FSTL4: variants seen among roughly 807,000 people sequenced by gnomAD.
The protein encoded by FSTL4 is follistatin like 4, also known as follistatin-related protein 4.
FSTL4 carries 28 observed loss-of-function variants against 78.2 expected under a neutral mutation model. The ratio of observed to expected loss-of-function variants is 0.36; its 90% CI spans 0.27 to 0.49. The LOEUF is 0.49. Ranked by LOEUF, FSTL4 falls within the 20% of genes least tolerant of loss-of-function variation. The probability of loss-of-function intolerance (pLI) is 0.98; values close to 1 mark genes in which losing one functional copy is unlikely to be tolerated. For synonymous variants in FSTL4, 422 were observed against 440.5 expected (o/e 0.96, Z 0.53); for missense variants, 922 against 1,084.9 (o/e 0.85, Z 2.11).
At chr5:133,836,529 T>C in the FSTL4 span, among the ~76,000 whole-genome samples, 2 of 152,336 alleles carry the variant, frequency 1.3e-5, no homozygotes, top group South Asian at 4.1e-4. Context: ...CCCATACATA[T>C]ATGCACACAT....
chr5:133,254,949 C>G (rs1342203981), intron 6 of FSTL4, among the ~76,000 whole-genome samples: 1 of 152,238 alleles, frequency 6.6e-6, no homozygotes, highest in African/African-American at 2.4e-5. Flanking sequence ...GGTCTCTGCT[C>G]TGGTGGGGAG....
chr5:133,750,206 C>T, the FSTL4 span, among the ~76,000 whole-genome samples: 605 of 152,248 alleles, frequency 4.0e-3, 4 homozygotes, highest in Non-Finnish European at 5.7e-3. Flanking sequence ...CAGAGGGACC[C>T]TAAGACATCA....
At chr5:133,803,088 A>G in the FSTL4 span, among the ~76,000 whole-genome samples, 1 of 152,288 alleles carries the variant, frequency 6.6e-6, no homozygotes, top group East Asian at 1.9e-4. Flanking sequence ...GAGCAGAACC[A>G]AGAGAAGGAG....
intron 3 of FSTL4, among the ~76,000 whole-genome samples, chr5:133,522,306 T>G (rs1452120746): frequency 6.6e-6 from 1 of 152,202 alleles, no homozygotes; most frequent in Non-Finnish European, 1.5e-5. Context: ...CTTGAGCCCA[T>G]GACTCCTATT....
chr5:133,550,451 C>G (rs867182319), intron 3 of FSTL4, among the ~76,000 whole-genome samples: 2 of 152,182 alleles, frequency 1.3e-5, no homozygotes, highest in Non-Finnish European at 2.9e-5. Flanking sequence ...ACTACAGGCC[C>G]ACTTAGAATT....
the FSTL4 span, among the ~76,000 whole-genome samples, chr5:133,719,746 C>A: frequency 1.3e-5 from 2 of 150,122 alleles, no homozygotes; most frequent in Non-Finnish European, 2.9e-5. Flanking sequence ...TAAATATAGG[C>A]ATTAATACTA....
At chr5:133,655,598 A>C in the FSTL4 span, among the ~76,000 whole-genome samples, 1 of 152,204 alleles carries the variant, frequency 6.6e-6, no homozygotes, top group Non-Finnish European at 1.5e-5. Flanking sequence ...TTGGTGAACT[A>C]TACATTGAAT....
At chr5:133,625,080 TG>T in the FSTL4 span, among the ~76,000 whole-genome samples, 15 of 151,846 alleles carry the variant, frequency 9.9e-5, no homozygotes, top group Non-Finnish European at 1.9e-4. Context: ...GGGTCTTTAA[TG>T]TTTTTTTTGT....
At chr5:133,833,342 TAAG>T in the FSTL4 span, among the ~76,000 whole-genome samples, 1 of 152,246 alleles carries the variant, frequency 6.6e-6, no homozygotes, top group African/African-American at 2.4e-5. Context: ...AAGAGATTAT[TAAG>T]AAATGATTTT....
At chr5:133,318,795 C>T (rs1212352544) in intron 4 of FSTL4, among the ~76,000 whole-genome samples, 1 of 152,232 alleles carries the variant, frequency 6.6e-6, no homozygotes, top group East Asian at 1.9e-4. Flanking sequence ...TGCAGATCCC[C>T]CCAACCTTCC....
intron 10 of FSTL4, 45 bp from the exon 11 acceptor site, chr5:133,224,261 A>C: frequency 6.6e-7 from 1 of 1,516,434 alleles, no homozygotes; most frequent in Non-Finnish European, 9.2e-7. Context: ...GATGGAGTCA[A>C]GGAAAAAGAA....
At chr5:133,294,162 G>GTC (rs1452113108) in intron 6 of FSTL4, among the ~76,000 whole-genome samples, 1 of 152,054 alleles carries the variant, frequency 6.6e-6, no homozygotes, top group Non-Finnish European at 1.5e-5. Flanking sequence ...TTTGGCAACC[G>GTC]TCCCACAGCC....
Position 133,426,993 on chromosome 5 carries a change from C to T in FSTL4, c.161-26007G>A, listed in dbSNP as rs1467091868. Among the ~76,000 whole-genome samples, 1 of 152,140 alleles carries T rather than the reference C, an allele frequency of 6.6e-6. No individual in the cohort carries two copies. Among genetic ancestry groups the T allele is most frequent in the African/African-American group, 2.4e-5 (1 of 41,424 alleles). ...CCAGAGGAATTTTGGTTTATCAAAC[C>T]TTGAAATACCCCAACATTCCTCACA... On this transcript the variant is annotated intron_variant, in intron 3 of 15. Coordinates refer to ENST00000265342, the MANE Select transcript of FSTL4 (RefSeq NM_015082.2). This position sits in a 1 kb window ranked among gnomAD's most constrained non-coding sequence, Gnocchi z 5.0.
At chr5:133,511,048 AGCTCAGTTTCTGGGCCT>A (rs1468994394) in intron 3 of FSTL4, among the ~76,000 whole-genome samples, 1 of 152,136 alleles carries the variant, frequency 6.6e-6, no homozygotes, top group Non-Finnish European at 1.5e-5. Flanking sequence ...AGTTTTTGCG[AGCTCAGTTTCTGGGCCT>A]GAGATGAGAT....
At chr5:133,438,945 C>A (rs974986214) in intron 3 of FSTL4, among the ~76,000 whole-genome samples, 1 of 152,230 alleles carries the variant, frequency 6.6e-6, no homozygotes. Context: ...TGGAACCTCA[C>A]GCGCCTTTGA....
chr5:133,757,421 G>A, the FSTL4 span, among the ~76,000 whole-genome samples: 1 of 152,214 alleles, frequency 6.6e-6, no homozygotes, highest in Admixed American at 6.5e-5. Flanking sequence ...ATAGCACGTG[G>A]TGATTGGTGG....
chr5:133,791,924 C>A, the FSTL4 span, among the ~76,000 whole-genome samples: 1 of 152,238 alleles, frequency 6.6e-6, no homozygotes, highest in Non-Finnish European at 1.5e-5. Context: ...TCCTCTCAAT[C>A]TCACCCGTGG....
chr5:133,583,134 C>T, intron 2 of FSTL4: 2 of 394,090 alleles, frequency 5.1e-6, no homozygotes, highest in Non-Finnish European at 5.1e-6. Flanking sequence ...CTGCTGTCTC[C>T]AGCGGCCAGT....
At chr5:133,544,903 G>A (rs1418176194) in intron 3 of FSTL4, among the ~76,000 whole-genome samples, 2 of 152,194 alleles carry the variant, frequency 1.3e-5, no homozygotes. Flanking sequence ...TTCTGGCCCA[G>A]TCAAAGTATA....
Sources: gnomAD v4.1 joint callset for allele counts (sites outside exome capture counted in the v4.1 genomes callset) on GRCh38, gnomAD v4.1.1 for gene constraint, Gnocchi (gnomAD v3.1) non-coding constraint, MANE v1.5 for transcripts, NCBI Gene and HGNC (gene_info 2026-07-23, HGNC 2026-07-21) for gene names.